NREP: variants seen among roughly 807,000 people sequenced by gnomAD.
The protein encoded by NREP is neuronal regeneration-related protein.
Under a neutral mutation model 8.6 loss-of-function variants are expected in NREP, and 5 were observed. The observed-to-expected ratio is 0.58, with a 90% CI of 0.30 to 1.22. The LOEUF is 1.22. Ranked by LOEUF, NREP falls within the 50% of genes most tolerant of loss-of-function variation. NREP has a pLI of 0.07. For synonymous variants in NREP, 27 were observed against 28.0 expected, an observed-to-expected ratio of 0.96 and a Z score of 0.11; for missense variants, 86 against 82.5, an observed-to-expected ratio of 1.04 and a Z score of -0.17.
chr5:111,929,152 T>G (rs759627334), intron 2 of NREP, among the ~76,000 whole-genome samples: 1 of 152,160 alleles, frequency 6.6e-6, no homozygotes, highest in African/African-American at 2.4e-5. Context: ...ACACATTGAA[T>G]TCTACTGTCT....
intron 2 of NREP, among the ~76,000 whole-genome samples, chr5:111,922,896 T>C (rs781293611): frequency 6.6e-6 from 1 of 152,184 alleles, no homozygotes; most frequent in Non-Finnish European, 1.5e-5. Context: ...TCAAGGGTGT[T>C]GGCACTCTGA....
Position 111,756,940 on chromosome 5 carries a change from G to GT in NREP, c.-59+195dup, listed in dbSNP as rs1211574005. On this transcript the variant is annotated intron_variant, in intron 1 of 3. Transcript: ENST00000257435. ...CTTGTGCATTTTAGAAAAAACCCAA[G>GT]TTAAATTCCAGCCTGAATGCAGCAC... Among the ~76,000 whole-genome samples, 17 of 152,202 alleles carry GT rather than the reference G, an allele frequency of 1.1e-4. No homozygotes were observed. The East Asian group carries it at 3.3e-3, about 29-fold the overall frequency.
At chr5:111,782,431 A>C (rs1751514231) in intron 2 of NREP, among the ~76,000 whole-genome samples, 1 of 152,232 alleles carries the variant, frequency 6.6e-6, no homozygotes, top group African/African-American at 2.4e-5. Context: ...CAAGCCTCAG[A>C]GATGTGATCA....
chr5:111,739,521 G>C (rs1338978694), intron 2 of NREP: 1 of 152,156 alleles, frequency 6.6e-6, no homozygotes, highest in African/African-American at 2.4e-5. Context: ...TAATATGAGG[G>C]TCAGAAAACT....
At chr5:111,966,517 T>A (rs550376767) in intron 2 of NREP, among the ~76,000 whole-genome samples, 10 of 152,262 alleles carry the variant, frequency 6.6e-5, no homozygotes, top group Admixed American at 1.3e-4. Context: ...TTGCTGCTGT[T>A]TATTACTACC....
chr5:111,730,610 G>C lies in NREP; in HGVS notation c.*311C>G. On this transcript the variant is annotated 3_prime_UTR_variant, in exon 4 of 4. Transcript: ENST00000257435. Reference sequence around the variant, plus strand: ...TGAGTGAAAAGGCAGGAGTGGACCGGTTGTGTGAGCGCGGTGGGAGTTTGA... The same window carrying C: ...TGAGTGAAAAGGCAGGAGTGGACCGCTTGTGTGAGCGCGGTGGGAGTTTGA... The C allele has an allele frequency of 4.3e-6, 1 of 232,176 alleles. No individual in the cohort carries two copies. The highest frequency in any genetic ancestry group is 5.3e-5 in the Admixed American group (1 of 18,952). 14.4% of individuals were successfully genotyped at this position (232,176 alleles called of 1,614,324 possible).
intron 2 of NREP, among the ~76,000 whole-genome samples, chr5:111,905,181 C>T (rs910669862): frequency 6.6e-6 from 1 of 151,932 alleles, no homozygotes; most frequent in African/African-American, 2.4e-5. Flanking sequence ...TTCCGTTGAC[C>T]TCTACACATG....
intron 2 of NREP, among the ~76,000 whole-genome samples, chr5:111,771,426 TACACACACACACACAC>T (rs111799670): frequency 9.5e-5 from 14 of 147,200 alleles, no homozygotes; most frequent in Admixed American, 2.0e-4. Flanking sequence ...CATAGTCTTT[TACACACACACACACAC>T]ACACACACAC....
chr5:111,910,905 T>G (rs538208072), intron 2 of NREP, among the ~76,000 whole-genome samples: 1 of 152,210 alleles, frequency 6.6e-6, no homozygotes, highest in Admixed American at 6.5e-5. Context: ...GATCTCCTAC[T>G]GCTCCAGCCC....
intron 2 of NREP, among the ~76,000 whole-genome samples, chr5:111,900,989 C>T (rs866933722): frequency 2.6e-5 from 4 of 152,128 alleles, no homozygotes; most frequent in Non-Finnish European, 5.9e-5. Flanking sequence ...TCCTGATGAA[C>T]GTAGATGCAA....
At chr5:111,897,663 T>A (rs1417093461) in intron 2 of NREP, among the ~76,000 whole-genome samples, 2 of 152,154 alleles carry the variant, frequency 1.3e-5, no homozygotes. Context: ...GTGCACCAAC[T>A]ATAAAACTGG....
intron 2 of NREP, among the ~76,000 whole-genome samples, chr5:111,867,531 T>C (rs1753695953): frequency 6.6e-6 from 1 of 152,120 alleles, no homozygotes; most frequent in African/African-American, 2.4e-5. Context: ...TCTTCAAATA[T>C]TGTGTGAGAT....
intron 2 of NREP, among the ~76,000 whole-genome samples, chr5:111,838,184 A>T (rs1232690057): frequency 6.6e-6 from 1 of 152,198 alleles, no homozygotes; most frequent in Non-Finnish European, 1.5e-5. Flanking sequence ...TATGTGATAT[A>T]AACTCTATTA....
At chr5:111,937,772 T>C (rs188882021) in intron 2 of NREP, among the ~76,000 whole-genome samples, 113 of 152,162 alleles carry the variant, frequency 7.4e-4, no homozygotes, top group African/African-American at 2.6e-3. Context: ...TCCCTCTTCC[T>C]GTCCCACCAG....
intron 2 of NREP, among the ~76,000 whole-genome samples, chr5:111,782,984 C>G (rs1751528964): frequency 6.6e-6 from 1 of 152,130 alleles, no homozygotes; most frequent in Non-Finnish European, 1.5e-5. Context: ...CCACCTGCCT[C>G]AGCCTCCCAA....
chr5:111,810,069 T>C (rs904999559), intron 2 of NREP, among the ~76,000 whole-genome samples: 1 of 151,868 alleles, frequency 6.6e-6, no homozygotes, highest in African/African-American at 2.4e-5. Flanking sequence ...GGATATTAGT[T>C]AGCCAAATAA....
intron 2 of NREP, among the ~76,000 whole-genome samples, chr5:111,908,440 A>G (rs1446081513): frequency 6.6e-6 from 1 of 151,834 alleles, no homozygotes; most frequent in Non-Finnish European, 1.5e-5. Flanking sequence ...CTTCCTCCCC[A>G]CTCTAGGAGT....
At chr5:111,843,134 TC>T (rs1753073075) in intron 2 of NREP, among the ~76,000 whole-genome samples, 1 of 152,116 alleles carries the variant, frequency 6.6e-6, no homozygotes, top group Admixed American at 6.6e-5. Context: ...ATGACTTTCT[TC>T]CCCTTTATTT....
intron 2 of NREP, among the ~76,000 whole-genome samples, chr5:111,737,572 C>T (rs937511077): frequency 2.6e-5 from 4 of 152,030 alleles, no homozygotes; most frequent in African/African-American, 9.7e-5. Flanking sequence ...TCCATTTTAA[C>T]GAAATGACAC....
Sources: allele counts gnomAD v4.1 joint callset (sites outside exome capture counted in the v4.1 genomes callset), GRCh38; gene constraint gnomAD v4.1.1; transcripts MANE v1.5; gene names NCBI Gene and HGNC (gene_info 2026-07-23, HGNC 2026-07-21).